The following SLIT3 variants were observed in gnomAD, a reference collection of about 807,000 sequenced individuals.
The protein encoded by SLIT3 is slit guidance ligand 3, also known as slit homolog 3 protein.
SLIT3 carries 68 observed loss-of-function variants against 184.0 expected under a neutral mutation model. That is an observed-to-expected ratio of 0.37 (90% confidence interval 0.30 to 0.45). The LOEUF (loss-of-function observed/expected upper bound fraction) is 0.45. SLIT3 is among the 20% of genes least tolerant of loss of function. The pLI is 1.00. For synonymous variants in SLIT3, 831 were observed against 828.6 expected, an observed-to-expected ratio of 1.00 and a Z score of -0.05; for missense variants, 1,707 against 2,026.0, an observed-to-expected ratio of 0.84 and a Z score of 3.02.
intron 4 of SLIT3, among the ~76,000 whole-genome samples, chr5:169,029,372 A>C (rs751620537): frequency 2.6e-5 from 4 of 152,214 alleles, no homozygotes; most frequent in Non-Finnish European, 5.9e-5. Context: ...CCAGCACTAT[A>C]GCTGTCATTG....
chr5:168,775,451 A>G (rs1238111358), intron 12 of SLIT3, among the ~76,000 whole-genome samples: 1 of 151,970 alleles, frequency 6.6e-6, no homozygotes, highest in Non-Finnish European at 1.5e-5. Flanking sequence ...ACTGTAGCTC[A>G]AATGTCCGCT....
intron 4 of SLIT3, among the ~76,000 whole-genome samples, chr5:168,972,655 G>A (rs182530596): frequency 6.6e-6 from 1 of 152,278 alleles, no homozygotes; most frequent in African/African-American, 2.4e-5. Flanking sequence ...GAAGCACTCA[G>A]TGTGGAATGA....
intron 4 of SLIT3, among the ~76,000 whole-genome samples, chr5:168,974,618 G>C (rs1754687770): frequency 6.6e-6 from 1 of 152,134 alleles, no homozygotes; most frequent in African/African-American, 2.4e-5. Flanking sequence ...TTTCCTCTTA[G>C]AAGAGGCTTT....
intron 5 of SLIT3, among the ~76,000 whole-genome samples, chr5:168,855,791 A>G (rs1288685323): frequency 6.6e-6 from 1 of 152,112 alleles, no homozygotes; most frequent in East Asian, 1.9e-4. Context: ...ATGTTTTAGA[A>G]ATAGACAAAA....
chr5:169,099,306 G>GACATACAAACC (rs1759917396), intron 4 of SLIT3, among the ~76,000 whole-genome samples: 2 of 152,108 alleles, frequency 1.3e-5, no homozygotes, highest in Non-Finnish European at 2.9e-5. Flanking sequence ...CTGGCAGGAT[G>GACATACAAACC]GTCTCAGGGT....
Position 169,017,830 on chromosome 5 carries a change from A to C in SLIT3, c.414-134494T>G, listed in dbSNP as rs371256254. ...TCTCCTAAGTCTTCTTTGGTTTATTAGCTTTCATAAGGAGGAGTCAGAGAA... is the reference window on the plus strand; with the variant it reads ...TCTCCTAAGTCTTCTTTGGTTTATTCGCTTTCATAAGGAGGAGTCAGAGAA... On this transcript the variant is annotated intron_variant, in intron 4 of 35. Coordinates refer to ENST00000519560, the MANE Select transcript of SLIT3 (RefSeq NM_003062.4). 3.9e-5 allele frequency: 6 copies of C among 152,352 alleles called. No homozygotes were observed. The East Asian group carries it at 1.2e-3, about 29-fold the overall frequency. 9.4% of individuals were successfully genotyped at this position (152,352 alleles called of 1,614,324 possible).
chr5:168,715,227 T>C (rs1284656833), intron 23 of SLIT3, among the ~76,000 whole-genome samples: 2 of 152,208 alleles, frequency 1.3e-5, no homozygotes, highest in African/African-American at 4.8e-5. Context: ...TCTCAGATAT[T>C]TTGGTTTCTC....
At chr5:168,771,269 A>C (rs909277142) in intron 14 of SLIT3, among the ~76,000 whole-genome samples, 4 of 152,168 alleles carry the variant, frequency 2.6e-5, no homozygotes, top group African/African-American at 9.7e-5. Context: ...TGCCAGGCCC[A>C]GGAAGGAACC....
intron 5 of SLIT3, among the ~76,000 whole-genome samples, chr5:168,870,787 A>C (rs1464128188): frequency 1.3e-5 from 2 of 152,224 alleles, no homozygotes; most frequent in Non-Finnish European, 2.9e-5. Context: ...GAGGCAATTT[A>C]AATCTTTATC....
At chr5:168,779,862 G>A (rs1005127664) in intron 12 of SLIT3, among the ~76,000 whole-genome samples, 1 of 152,196 alleles carries the variant, frequency 6.6e-6, no homozygotes, top group Non-Finnish European at 1.5e-5. Flanking sequence ...ATGGCCCACA[G>A]GGGGAAAACC....
intron 4 of SLIT3, among the ~76,000 whole-genome samples, chr5:169,068,256 T>C (rs1295030250): frequency 1.3e-5 from 2 of 152,178 alleles, no homozygotes; most frequent in Non-Finnish European, 2.9e-5. Flanking sequence ...AATGTTAATA[T>C]AACATTTCTT....
Position 169,077,675 on chromosome 5 carries a change from CAG to C in SLIT3, c.413+115802_413+115803del, listed in dbSNP as rs1427620514. Among the ~76,000 whole-genome samples the C allele has an allele frequency of 5.3e-5, 8 of 152,198 alleles. No individual in the cohort carries two copies. In the South Asian group the frequency reaches 1.5e-3, roughly 28 times the overall value. On this transcript the variant is annotated intron_variant, in intron 4 of 35. Transcript: ENST00000519560. ...AGTTTTCGGGGAGTCAAAAGTTAAA[CAG>C]AGATTTTTGACTGTGTGGGGGGTCA...
chr5:169,039,994 C>T (rs1176395314), intron 4 of SLIT3, among the ~76,000 whole-genome samples: 1 of 152,090 alleles, frequency 6.6e-6, no homozygotes, highest in African/African-American at 2.4e-5. Context: ...ATAGCAGCAA[C>T]CATATAGCAG....
At chr5:168,730,018 G>A (rs1220645614) in intron 20 of SLIT3, among the ~76,000 whole-genome samples, 1 of 151,756 alleles carries the variant, frequency 6.6e-6, no homozygotes, top group Non-Finnish European at 1.5e-5. Flanking sequence ...GAAAGTAAAG[G>A]GGTTGAAAAA....
At chr5:168,969,576 A>G (rs1331460661) in intron 4 of SLIT3, among the ~76,000 whole-genome samples, 3 of 152,204 alleles carry the variant, frequency 2.0e-5, no homozygotes, top group Non-Finnish European at 4.4e-5. Context: ...ACAGCCATAA[A>G]GCTATCAACA....
At chr5:169,073,280 C>T (rs746162783) in intron 4 of SLIT3, among the ~76,000 whole-genome samples, 5 of 152,150 alleles carry the variant, frequency 3.3e-5, no homozygotes, top group Non-Finnish European at 4.4e-5. Flanking sequence ...TCCTTAGCCC[C>T]GCAGGATGAA....
chr5:168,675,317 C>T (rs1582516071), intron 32 of SLIT3, among the ~76,000 whole-genome samples: 3 of 152,130 alleles, frequency 2.0e-5, no homozygotes, highest in African/African-American at 7.2e-5. Flanking sequence ...AGGCAGGGAC[C>T]ATTTCAGTGA....
chr5:169,067,697 A>G (rs936332165), intron 4 of SLIT3, among the ~76,000 whole-genome samples: 1 of 152,204 alleles, frequency 6.6e-6, no homozygotes, highest in African/African-American at 2.4e-5. Flanking sequence ...TTGAGACATC[A>G]GAGGAGTGAA....
chr5:168,911,852 T>C (rs1761263167), intron 4 of SLIT3, among the ~76,000 whole-genome samples: 1 of 152,224 alleles, frequency 6.6e-6, no homozygotes, highest in African/African-American at 2.4e-5. Flanking sequence ...AATAATGTTT[T>C]AAAACTGCAT....
Sources: gnomAD v4.1 joint callset for allele counts (sites outside exome capture counted in the v4.1 genomes callset) on GRCh38, gnomAD v4.1.1 for gene constraint, MANE v1.5 for transcripts, NCBI Gene and HGNC (gene_info 2026-07-23, HGNC 2026-07-21) for gene names.